Variants in FAM124A observed in about 807,000 individuals in gnomAD.
The protein encoded by FAM124A is family with sequence similarity 124 member A.
A neutral mutation model predicts 24.5 loss-of-function variants in FAM124A; 23 were observed. The ratio of observed to expected loss-of-function variants is 0.94; its 90% CI spans 0.68 to 1.33. The LOEUF is 1.33. Ranked by LOEUF, FAM124A falls within the 40% of genes most tolerant of loss-of-function variation. The pLI, the probability that FAM124A is intolerant of heterozygous loss-of-function variation, is 0.00. For synonymous variants in FAM124A, 287 were observed against 314.7 expected (o/e 0.91, Z 0.93); for missense variants, 623 against 722.8 (o/e 0.86, Z 1.58).
chr13:51,278,955 C>T (rs1593613912), intron 3 of FAM124A, among the ~76,000 whole-genome samples: 2 of 152,176 alleles, frequency 1.3e-5, no homozygotes, highest in East Asian at 3.9e-4. Context: ...AAAGCAACCA[C>T]AAAGGCTTCC....
chr13:51,253,123 T>C (rs556855488), intron 3 of FAM124A: 3 of 152,356 alleles, frequency 2.0e-5, no homozygotes, highest in South Asian at 2.1e-4. Context: ...ACCTCTGACG[T>C]CTCAATTTTC....
intron 3 of FAM124A, among the ~76,000 whole-genome samples, chr13:51,253,948 C>A (rs564584520): frequency 3.3e-3 from 503 of 152,270 alleles, no homozygotes; most frequent in African/African-American, 0.011. Flanking sequence ...ATTACCTCTC[C>A]CCCCAAGATT....
chr13:51,227,919 A>G (rs902165400), intron 1 of FAM124A, among the ~76,000 whole-genome samples: 1 of 152,212 alleles, frequency 6.6e-6, no homozygotes, highest in Non-Finnish European at 1.5e-5. Flanking sequence ...TGGGTGGAAA[A>G]GAATAGGTGG....
chr13:51,244,383 G>A (rs1188296583), intron 2 of FAM124A, among the ~76,000 whole-genome samples: 1 of 152,184 alleles, frequency 6.6e-6, no homozygotes, highest in Admixed American at 6.5e-5. Flanking sequence ...GTATCCTCTA[G>A]TGCCTGGCAC....
chr13:51,225,945 A>G (rs918168042), intron 1 of FAM124A, among the ~76,000 whole-genome samples: 1 of 143,610 alleles, frequency 7.0e-6, no homozygotes, highest in Non-Finnish European at 1.5e-5. Flanking sequence ...AGGAGAAAAG[A>G]TGATAATCTG....
At chr13:51,269,379 A>G (rs990887369) in intron 3 of FAM124A, among the ~76,000 whole-genome samples, 1 of 152,204 alleles carries the variant, frequency 6.6e-6, no homozygotes, top group Non-Finnish European at 1.5e-5. Flanking sequence ...CAAGAGGTCA[A>G]CCTTGTGATT....
intron 3 of FAM124A, among the ~76,000 whole-genome samples, chr13:51,264,637 T>A (rs1180675601): frequency 6.8e-6 from 1 of 146,172 alleles, no homozygotes; most frequent in South Asian, 2.2e-4. Context: ...CATATCTCTT[T>A]AAAAAAAAAA....
Position 51,251,150 on chromosome 13 carries a change from A to G in FAM124A, c.101-318A>G, listed in dbSNP as rs1218041820. 6.6e-6 allele frequency among the ~76,000 whole-genome samples: 1 copy of G among 152,108 alleles called. No individual in the cohort carries two copies. The highest frequency in any genetic ancestry group is 1.9e-4 in the East Asian group (1 of 5,184). On this transcript the variant is annotated intron_variant, in intron 2 of 3. Transcript: ENST00000322475. The surrounding 1 kb of genome is among the most constrained non-coding windows in gnomAD (Gnocchi z 5.3). ...TCCAAGTCACTAGACTTGACTTTCT[A>G]TTTGTCTGATACGTAAATATAAAGT...
At chr13:51,277,052 A>C (rs1356594322) in intron 3 of FAM124A, among the ~76,000 whole-genome samples, 1 of 152,206 alleles carries the variant, frequency 6.6e-6, no homozygotes, top group Non-Finnish European at 1.5e-5. Flanking sequence ...AGCACTGTCC[A>C]CAGTAGCAAA....
chr13:51,259,075 C>T (rs1396884953), intron 3 of FAM124A, among the ~76,000 whole-genome samples: 1 of 152,162 alleles, frequency 6.6e-6, no homozygotes, highest in African/African-American at 2.4e-5. Flanking sequence ...GCAAATCATG[C>T]TCCAGTTCCA....
At position 51,245,064 on chromosome 13, in the gene FAM124A, G is replaced by A. The variant is rs1006698233; in HGVS notation, c.101-6404G>A. On this transcript the variant is annotated intron_variant, in intron 2 of 3. Transcript: ENST00000322475. ...GATTAAGAGCAGAGCTTTAATAAGCGAAAGAAAGAGAAAGGCTATCTCCTG... is the reference window on the plus strand; with the variant it reads ...GATTAAGAGCAGAGCTTTAATAAGCAAAAGAAAGAGAAAGGCTATCTCCTG... Among the ~76,000 whole-genome samples, 5 of 152,342 alleles carry A rather than the reference G, an allele frequency of 3.3e-5. No homozygotes were observed. The East Asian group carries it at 7.7e-4, about 24-fold the overall frequency.
Position 51,222,522 on chromosome 13 carries a change from C to T in FAM124A, c.21C>T (p.Gly7=), listed in dbSNP as rs781604299. The T allele has an allele frequency of 1.6e-6, 2 of 1,226,262 alleles. No individual in the cohort carries two copies. The highest frequency in any genetic ancestry group is 1.6e-5 in the African/African-American group (1 of 63,816). The allele number at this position is 1,226,262 out of a possible 1,614,324, so 76.0% of individuals were successfully genotyped here. The change falls in exon 1 of 4, where the codon GGC becomes GGT. Residue 7 remains glycine (G), a synonymous_variant. Transcript: ENST00000322475. ...GCACCATGGACCCAAAGGCGGGCGG[C>T]GGCGGCGAGGAGGACGACTGCGTGG... is the stretch of plus-strand genomic sequence containing the variant. MDPKAG[G]GGEEDDCVDS... is the part of the protein sequence containing the mutation.
In FAM124A at chr13:51,272,723, G is replaced by A. The variant is rs571243643; in HGVS notation, c.835-7727G>A. On this transcript the variant is annotated intron_variant, in intron 3 of 3. Coordinates refer to ENST00000322475, the MANE Select transcript of FAM124A (RefSeq NM_001242312.2). This position sits in a 1 kb window ranked among gnomAD's most constrained non-coding sequence, Gnocchi z 4.2. The stretch of plus-strand genomic sequence containing the variant: ...ACAGTCAAGGTAGGAGTGCTAGACC[G>A]CAGGACGCCAAGCACAGTCAAGGTG... Among the ~76,000 whole-genome samples the A allele has an allele frequency of 7.9e-5, 12 of 152,194 alleles. No individual in the cohort carries two copies. Among genetic ancestry groups the A allele is most frequent in the East Asian group, 7.8e-4 (4 of 5,160 alleles).
At chr13:51,234,819 CGA>C (rs1954418529) in intron 2 of FAM124A, among the ~76,000 whole-genome samples, 1 of 152,184 alleles carries the variant, frequency 6.6e-6, no homozygotes, top group African/African-American at 2.4e-5. Flanking sequence ...AGAATCAACC[CGA>C]GCTTCTCTGA....
chr13:51,271,858 AT>A (rs1025188097), intron 3 of FAM124A, among the ~76,000 whole-genome samples: 3 of 152,132 alleles, frequency 2.0e-5, no homozygotes, highest in African/African-American at 7.2e-5. Context: ...CTGGGCAGTA[AT>A]ATAACCTCGC....
chr13:51,258,431 G>T lies in FAM124A; in HGVS notation c.834+6230G>T, dbSNP rs1018236871. 1.3e-5 allele frequency among the ~76,000 whole-genome samples: 2 copies of T among 152,142 alleles called. No homozygotes were observed. The highest frequency in any genetic ancestry group is 4.8e-5 in the African/African-American group (2 of 41,432). ...GTCAAAAAATGAATGAGTGTGAGCTGGGGATAGAGGGGTGAGGGCCATCTG... is the reference window on the plus strand; with the variant it reads ...GTCAAAAAATGAATGAGTGTGAGCTTGGGATAGAGGGGTGAGGGCCATCTG... On this transcript the variant is annotated intron_variant, in intron 3 of 3. Coordinates refer to ENST00000322475, the MANE Select transcript of FAM124A (RefSeq NM_001242312.2). The surrounding 1 kb of genome is among the most constrained non-coding windows in gnomAD (Gnocchi z 4.2).
rs3045985 is a variant in FAM124A, at chr13:51,283,767, C to CAAAAA, written c.*2535_*2539dup. 5.2e-4 allele frequency: 18 copies of CAAAAA among 34,708 alleles called. 2 individuals carry two copies. The highest frequency in any genetic ancestry group is 1.1e-3 in the African/African-American group (11 of 10,124). 2.2% of individuals were successfully genotyped at this position (34,708 alleles called of 1,614,324 possible). On this transcript the variant is annotated 3_prime_UTR_variant, in exon 4 of 4. Transcript: ENST00000322475. ...TCATCAGTAACAAAAGTCAGTGAGG[C>CAAAAA]AAAAAAAAAAAAAAAAAAAAAAAAA... is the stretch of plus-strand genomic sequence containing the variant.
Position 51,250,451 on chromosome 13 carries a change from CT to C in FAM124A, c.101-1013del, listed in dbSNP as rs1437605980. Among the ~76,000 whole-genome samples the C allele has an allele frequency of 2.0e-5, 3 of 152,250 alleles. No individual in the cohort carries two copies. The East Asian group carries it at 5.8e-4, about 29-fold the overall frequency. On this transcript the variant is annotated intron_variant, in intron 2 of 3. Coordinates refer to ENST00000322475, the MANE Select transcript of FAM124A (RefSeq NM_001242312.2). ...AGAACCATCTTTTAAAAGAGCAAGC[CT>C]TTTATCAGGTATAGTTATATGATTT...
intron 3 of FAM124A, among the ~76,000 whole-genome samples, chr13:51,264,544 C>T (rs116776515): frequency 1.2e-4 from 18 of 152,186 alleles, no homozygotes; most frequent in Non-Finnish European, 2.5e-4. Context: ...AGATCACTTG[C>T]GCCCAGGAGT....
Sources: gnomAD v4.1 joint callset for allele counts (sites outside exome capture counted in the v4.1 genomes callset) on GRCh38, gnomAD v4.1.1 for gene constraint, Gnocchi (gnomAD v3.1) non-coding constraint, MANE v1.5 for transcripts, NCBI Gene and HGNC (gene_info 2026-07-23, HGNC 2026-07-21) for gene names.